ANKRD36C: variants seen among roughly 807,000 people sequenced by gnomAD.
The protein encoded by ANKRD36C is ankyrin repeat domain 36C.
ANKRD36C carries 61 observed loss-of-function variants against 276.4 expected under a neutral mutation model. The observed-to-expected ratio is 0.22, with a 90% confidence interval of 0.18 to 0.27. The LOEUF is 0.27. Among genes scored for constraint, ANKRD36C ranks in the 10% least tolerant of loss-of-function variants. The pLI is 1.00. For missense variants in ANKRD36C, 1,447 were observed against 2,032.3 expected (o/e 0.71, Z 5.54); for synonymous variants, 483 against 680.1 (o/e 0.71, Z 4.51).
chr2:95,988,296 T>C (rs1436614321), intron 1 of ANKRD36C, among the ~76,000 whole-genome samples: 1 of 152,050 alleles, frequency 6.6e-6, no homozygotes, highest in Non-Finnish European at 1.5e-5. Context: ...GTAAATTAGG[T>C]ATTTGCAATG....
intron 59 of ANKRD36C, among the ~76,000 whole-genome samples, chr2:95,872,204 C>T (rs1675830144): frequency 7.0e-6 from 1 of 142,906 alleles, no homozygotes; most frequent in African/African-American, 2.6e-5. Context: ...CCCAAATCAA[C>T]AGAATATACA....
chr2:95,929,153 G>C lies in ANKRD36C; in HGVS notation c.1765-9C>G. On this transcript the variant is annotated splice_polypyrimidine_tract_variant and intron_variant, in intron 25 of 66. Coordinates refer to ENST00000456556, the Ensembl canonical transcript of ANKRD36C. ...TTGTCGTCACTTGTAGCCTGAATGG[G>C]ATTTGAAACAAAATAATCAATATGT... 1 of 1,601,954 alleles carries C rather than the reference G, an allele frequency of 6.2e-7. No individual in the cohort carries two copies. Among genetic ancestry groups the C allele is most frequent in the Non-Finnish European group, 8.5e-7 (1 of 1,178,092 alleles).
At chr2:95,960,716 G>T (rs1351529166) in intron 8 of ANKRD36C, 49 bp from the exon 9 acceptor site, 1 of 761,654 alleles carries the variant, frequency 1.3e-6, no homozygotes, top group Non-Finnish European at 2.0e-6. Context: ...ATATGATAAA[G>T]TTATCCATAC....
intron 34 of ANKRD36C, among the ~76,000 whole-genome samples, chr2:95,920,862 C>T (rs1355680244): frequency 2.0e-5 from 3 of 149,852 alleles, no homozygotes; most frequent in African/African-American, 7.5e-5. Context: ...ACAAGGAAGC[C>T]AATGTATTCA....
chr2:95,874,168 G>GA (rs1231506496), intron 59 of ANKRD36C, among the ~76,000 whole-genome samples: 1 of 152,058 alleles, frequency 6.6e-6, no homozygotes, highest in African/African-American at 2.4e-5. Flanking sequence ...CACTGAATTG[G>GA]AAAAAACTGC....
intron 13 of ANKRD36C, among the ~76,000 whole-genome samples, chr2:95,954,953 A>G (rs1678293135): frequency 6.6e-6 from 1 of 152,196 alleles, no homozygotes; most frequent in South Asian, 2.1e-4. Flanking sequence ...TCCTCAAAAG[A>G]TGGGCTAACA....
downstream of ANKRD36C, among the ~76,000 whole-genome samples, chr2:95,850,264 G>T (rs1403864970): frequency 1.3e-5 from 2 of 152,262 alleles, no homozygotes; most frequent in Admixed American, 1.3e-4. Context: ...GGAATTACAA[G>T]ATAAAGATGA....
intron 60 of ANKRD36C, among the ~76,000 whole-genome samples, chr2:95,861,941 T>C (rs560521548): frequency 3.0e-4 from 46 of 151,938 alleles, no homozygotes; most frequent in Non-Finnish European, 2.9e-5. Context: ...TGTGGCTGTA[T>C]TAATACCAAA....
intron 62 of ANKRD36C, among the ~76,000 whole-genome samples, chr2:95,856,620 T>C (rs76402876): frequency 1.3e-5 from 2 of 152,180 alleles, no homozygotes; most frequent in African/African-American, 4.8e-5. Context: ...CTTTAAGTTC[T>C]CTTTTTCTAA....
downstream of ANKRD36C, among the ~76,000 whole-genome samples, chr2:95,849,589 T>A (rs1247300820): frequency 6.6e-6 from 1 of 152,194 alleles, no homozygotes; most frequent in Non-Finnish European, 1.5e-5. Flanking sequence ...TACTACATTG[T>A]AATACATAAT....
At chr2:95,963,709 A>G (rs953721421) in intron 6 of ANKRD36C, among the ~76,000 whole-genome samples, 1 of 111,642 alleles carries the variant, frequency 9.0e-6, no homozygotes, top group Non-Finnish European at 1.8e-5. Flanking sequence ...AGTTATACTT[A>G]GAGTCATAAT....
chr2:95,974,857 T>C (rs1678773003), intron 6 of ANKRD36C, among the ~76,000 whole-genome samples: 3 of 133,400 alleles, frequency 2.2e-5, no homozygotes. Context: ...CCTGTGTCCA[T>C]GTGTTCTCAT....
intron 3 of ANKRD36C, among the ~76,000 whole-genome samples, chr2:95,986,035 C>T (rs1439538510): frequency 6.6e-6 from 1 of 152,152 alleles, no homozygotes; most frequent in Non-Finnish European, 1.5e-5. Context: ...AACCTGGTTT[C>T]CTCAGAGTCC....
Position 95,979,039 on chromosome 2 carries a change from T to A in ANKRD36C, c.732-850A>T, listed in dbSNP as rs1641598771. 2.6e-5 allele frequency among the ~76,000 whole-genome samples: 4 copies of A among 151,970 alleles called. No homozygotes were observed. The South Asian group carries it at 8.3e-4, about 31-fold the overall frequency. On this transcript the variant is annotated intron_variant, in intron 5 of 66. Coordinates refer to ENST00000456556, the Ensembl canonical transcript of ANKRD36C. The stretch of plus-strand genomic sequence containing the variant: ...CTGACATGGAAGACAAAACCCTACT[T>A]TCATTTTTTTTAAGTTCCATGAAGT...
In ANKRD36C at chr2:95,918,051, C is replaced by T. The variant is rs1198871595; in HGVS notation, c.2246-9G>A. 6.3e-7 allele frequency: 1 copy of T among 1,599,636 alleles called. No individual in the cohort carries two copies. Among genetic ancestry groups the T allele is most frequent in the Non-Finnish European group, 8.5e-7 (1 of 1,174,928 alleles). On this transcript the variant is annotated splice_polypyrimidine_tract_variant and intron_variant, in intron 34 of 66. Transcript: ENST00000456556. ...TTGTTTCTGAGAAGACACTGAAAAG[C>T]AAAAGGGATACATAATCACTCATGT... is the stretch of plus-strand genomic sequence containing the variant.
intron 22 of ANKRD36C, among the ~76,000 whole-genome samples, chr2:95,936,354 A>AAAATAAAT (rs889694926): frequency 2.8e-5 from 1 of 36,316 alleles, no homozygotes; most frequent in Non-Finnish European, 6.9e-5. Flanking sequence ...TAATAATAAT[A>AAAATAAAT]AAATAAATAA....
intron 59 of ANKRD36C, among the ~76,000 whole-genome samples, chr2:95,874,084 G>C (rs1406407482): frequency 6.6e-6 from 1 of 151,958 alleles, no homozygotes; most frequent in Non-Finnish European, 1.5e-5. Flanking sequence ...AATCAGTATG[G>C]TTAAAATGGC....
intron 19 of ANKRD36C, 98 bp downstream of exon 19, chr2:95,944,529 A>T: frequency 8.2e-7 from 1 of 1,216,380 alleles, no homozygotes; most frequent in East Asian, 2.6e-5. Flanking sequence ...ACAATTTACC[A>T]TTGTAAAATT....
chr2:95,879,651 G>C (rs1676032368), intron 58 of ANKRD36C, among the ~76,000 whole-genome samples: 1 of 152,114 alleles, frequency 6.6e-6, no homozygotes, highest in Non-Finnish European at 1.5e-5. Flanking sequence ...CATCTGATTG[G>C]CTTAATATAA....
Sources: allele counts gnomAD v4.1 joint callset (sites outside exome capture counted in the v4.1 genomes callset), GRCh38; gene constraint gnomAD v4.1.1; transcripts MANE v1.5; gene names NCBI Gene and HGNC (gene_info 2026-07-23, HGNC 2026-07-21).